TECRL: variants seen among roughly 807,000 people sequenced by gnomAD.
TECRL encodes trans-2,3-enoyl-CoA reductase like, also known as trans-2,3-enoyl-CoA reductase-like.
In TECRL, 63 loss-of-function variants were observed where a neutral mutation model predicts 52.8. That is an observed-to-expected ratio of 1.19 (90% CI 0.97 to 1.47). TECRL has a LOEUF of 1.47. TECRL is among the 40% of genes most tolerant of loss of function. The pLI is 0.00. For synonymous variants in TECRL, 164 were observed against 141.9 expected (o/e 1.16, Z -1.10); for missense variants, 482 against 429.6 (o/e 1.12, Z -1.08).
Position 64,281,101 on chromosome 4 carries a change from C to G in TECRL, c.919-15G>C. 6.3e-7 allele frequency: 1 copy of G among 1,586,414 alleles called. No homozygotes were observed. Among genetic ancestry groups the G allele is most frequent in the Non-Finnish European group, 8.6e-7 (1 of 1,162,328 alleles). On this transcript the variant is annotated splice_polypyrimidine_tract_variant and intron_variant, in intron 10 of 11. Coordinates refer to ENST00000381210, the MANE Select transcript of TECRL (RefSeq NM_001010874.5). ...CATGATCCAATCTGTTATATTAAAA[C>G]TTAAATTAGCACATACATAAATGGA...
Position 64,320,318 on chromosome 4 carries a change from A to G in TECRL, c.435+2371T>C, listed in dbSNP as rs530380393. ...ATTTCCCTATTATATTATTTATTAT[A>G]GGAACAAATTTTCATATTTTTCAAT... On this transcript the variant is annotated intron_variant, in intron 4 of 11. Coordinates refer to ENST00000381210, the MANE Select transcript of TECRL (RefSeq NM_001010874.5). Among the ~76,000 whole-genome samples the G allele has an allele frequency of 2.0e-5, 3 of 152,092 alleles. No homozygotes were observed. In the South Asian group the frequency reaches 6.2e-4, roughly 32 times the overall value.
intron 2 of TECRL, among the ~76,000 whole-genome samples, chr4:64,368,692 A>G (rs557207531): frequency 6.6e-5 from 10 of 151,912 alleles, no homozygotes; most frequent in African/African-American, 2.4e-4. Context: ...GTATTCTGCC[A>G]CTTTTTTCAT....
intron 9 of TECRL, among the ~76,000 whole-genome samples, chr4:64,287,645 G>C (rs915902861): frequency 2.0e-5 from 3 of 152,086 alleles, no homozygotes; most frequent in African/African-American, 4.8e-5. Flanking sequence ...AGAAGTAACT[G>C]AGTTTTTGCA....
chr4:64,323,813 A>G (rs536617980), intron 3 of TECRL, among the ~76,000 whole-genome samples: 1 of 152,310 alleles, frequency 6.6e-6, no homozygotes, highest in South Asian at 2.1e-4. Flanking sequence ...ATGCATTGTA[A>G]TGTCATTAAC....
At chr4:64,338,736 T>C (rs1005953390) in intron 2 of TECRL, among the ~76,000 whole-genome samples, 5 of 152,034 alleles carry the variant, frequency 3.3e-5, no homozygotes, top group Non-Finnish European at 7.4e-5. Context: ...CAATGAAATA[T>C]CATCTCACAC....
chr4:64,349,010 A>G (rs1004462483), intron 2 of TECRL, among the ~76,000 whole-genome samples: 1 of 151,584 alleles, frequency 6.6e-6, no homozygotes, highest in Non-Finnish European at 1.5e-5. Flanking sequence ...CAAAATTTCA[A>G]AACTCCATCT....
intron 7 of TECRL, among the ~76,000 whole-genome samples, chr4:64,302,418 C>T (rs150119551): frequency 3.4e-4 from 52 of 150,818 alleles, no homozygotes; most frequent in Non-Finnish European, 6.5e-4. Flanking sequence ...TCAACTATGA[C>T]GAAAAAACAA....
intron 8 of TECRL, among the ~76,000 whole-genome samples, chr4:64,293,611 G>A (rs984862266): frequency 6.6e-6 from 1 of 151,968 alleles, no homozygotes; most frequent in Admixed American, 6.6e-5. Flanking sequence ...CTAAAGCAAG[G>A]GGTCGAGGGA....
intron 2 of TECRL, among the ~76,000 whole-genome samples, chr4:64,357,247 A>G (rs111294872): frequency 9.2e-5 from 14 of 152,128 alleles, no homozygotes; most frequent in Admixed American, 3.3e-4. Flanking sequence ...TGGAAAGATA[A>G]GAATTGTATA....
intron 2 of TECRL, among the ~76,000 whole-genome samples, chr4:64,349,474 T>G (rs1329346482): frequency 6.6e-6 from 1 of 152,168 alleles, no homozygotes; most frequent in East Asian, 1.9e-4. Flanking sequence ...TCCCATTGCT[T>G]TGATCTTGCT....
chr4:64,349,320 A>G (rs909539422), intron 2 of TECRL, among the ~76,000 whole-genome samples: 4 of 151,850 alleles, frequency 2.6e-5, no homozygotes, highest in African/African-American at 9.7e-5. Context: ...TTTAGTAGAG[A>G]TGGGGTTTCT....
At position 64,310,263 on chromosome 4, in the gene TECRL, G is replaced by A. The variant is rs545527109; in HGVS notation, c.552-332C>T. On this transcript the variant is annotated intron_variant, in intron 5 of 11. Coordinates refer to ENST00000381210, the MANE Select transcript of TECRL (RefSeq NM_001010874.5). The stretch of plus-strand genomic sequence containing the variant: ...AAATATGTTCATATCGAAATACTTC[G>A]ACTGAAACAGACAATTTACAAGTTT... 2.8e-4 allele frequency among the ~76,000 whole-genome samples: 43 copies of A among 152,186 alleles called. No homozygotes were observed. The East Asian group carries it at 4.4e-3, about 16-fold the overall frequency.
intron 2 of TECRL, among the ~76,000 whole-genome samples, chr4:64,365,645 A>T (rs1658738771): frequency 1.3e-5 from 2 of 152,116 alleles, no homozygotes; most frequent in South Asian, 4.1e-4. Flanking sequence ...CAACAAAAAT[A>T]TAAATACCTG....
At chr4:64,393,900 A>C (rs1291777037) in intron 1 of TECRL, among the ~76,000 whole-genome samples, 1 of 152,004 alleles carries the variant, frequency 6.6e-6, no homozygotes, top group East Asian at 1.9e-4. Flanking sequence ...TAGCTAGATA[A>C]AAATAAAATG....
chr4:64,323,222 T>C (rs1718027781), intron 3 of TECRL, among the ~76,000 whole-genome samples: 1 of 151,800 alleles, frequency 6.6e-6, no homozygotes, highest in African/African-American at 2.4e-5. Context: ...GACAAAACCC[T>C]GTCTCTACAA....
chr4:64,338,952 T>C (rs1467340029), intron 2 of TECRL, among the ~76,000 whole-genome samples: 2 of 152,096 alleles, frequency 1.3e-5, no homozygotes, highest in African/African-American at 4.8e-5. Context: ...CAAAGGAATA[T>C]AAATCATGCT....
chr4:64,314,857 T>C, intron 4 of TECRL, 94 bp from the exon 5 acceptor site: 1 of 855,082 alleles, frequency 1.2e-6, no homozygotes, highest in South Asian at 1.5e-5. Context: ...CATAAATTGG[T>C]GAAACAGGTA....
At chr4:64,379,085 A>T (rs1450934054) in intron 1 of TECRL, among the ~76,000 whole-genome samples, 1 of 152,084 alleles carries the variant, frequency 6.6e-6, no homozygotes, top group African/African-American at 2.4e-5. Context: ...AAATTAACAT[A>T]TAAATTGATT....
chr4:64,398,984 G>A (rs767707699), intron 1 of TECRL, among the ~76,000 whole-genome samples: 14 of 152,134 alleles, frequency 9.2e-5, no homozygotes, highest in African/African-American at 1.4e-4. Context: ...CTAGGGATCC[G>A]TGGAACTTTA....
Sources: gnomAD v4.1 joint callset for allele counts (sites outside exome capture counted in the v4.1 genomes callset) on GRCh38, gnomAD v4.1.1 for gene constraint, MANE v1.5 for transcripts, NCBI Gene and HGNC (gene_info 2026-07-23, HGNC 2026-07-21) for gene names.